SPTBN1: variants seen among roughly 807,000 people sequenced by gnomAD.
SPTBN1 encodes the protein spectrin beta, non-erythrocytic 1, also known as spectrin beta chain, non-erythrocytic 1.
A neutral mutation model predicts 266.4 loss-of-function variants in SPTBN1; 32 were observed. The ratio of observed to expected loss-of-function variants is 0.12; its 90% CI spans 0.09 to 0.16. SPTBN1 has a LOEUF of 0.16. Among genes scored for constraint, SPTBN1 ranks in the 10% least tolerant of loss-of-function variants. The pLI is 1.00. For missense variants in SPTBN1, 2,296 were observed against 3,067.1 expected, an observed-to-expected ratio of 0.75 and a Z score of 5.94; for synonymous variants, 1,336 against 1,162.2, an observed-to-expected ratio of 1.15 and a Z score of -3.04.
At position 54,612,187 on chromosome 2, in the gene SPTBN1, C is replaced by T; in HGVS notation, c.327C>T (p.Arg109=). ...CTAAACCCACCAAGGGACGAATGCG[C>T]ATCCACTGCTTAGAGAATGTGGACA... The part of the protein sequence containing the change: ...RLPKPTKGRM[R]IHCLENVDKA... The change falls in exon 4 of 36, where the codon CGC becomes CGT. Residue 109 remains arginine (R), a synonymous_variant. Coordinates refer to ENST00000356805, the MANE Select transcript of SPTBN1 (RefSeq NM_003128.3). 1.2e-6 allele frequency: 2 copies of T among 1,609,984 alleles called. No individual in the cohort carries two copies. Among genetic ancestry groups the T allele is most frequent in the Non-Finnish European group, 1.7e-6 (2 of 1,177,330 alleles).
intron 1 of SPTBN1, among the ~76,000 whole-genome samples, chr2:54,492,475 C>T (rs1392961034): frequency 6.6e-6 from 1 of 151,150 alleles, no homozygotes; most frequent in African/African-American, 2.4e-5. Context: ...AGGAGTTTTA[C>T]TTAACACCTT....
rs1046735339 is a variant in SPTBN1 at position 54,534,181 on chromosome 2, T to A, written c.148+7615T>A. Among the ~76,000 whole-genome samples the A allele has an allele frequency of 5.3e-5, 8 of 152,334 alleles. No individual in the cohort carries two copies. In the East Asian group the frequency reaches 1.5e-3, roughly 29 times the overall value. Reference sequence around the variant, plus strand: ...ACGCCTGGACTCATTGTCTAAATCATGTTAGGGCTCTTCTTGTTCGCACAC... The same window carrying A: ...ACGCCTGGACTCATTGTCTAAATCAAGTTAGGGCTCTTCTTGTTCGCACAC... On this transcript the variant is annotated intron_variant, in intron 2 of 35. Transcript: ENST00000356805.
intron 1 of SPTBN1, among the ~76,000 whole-genome samples, chr2:54,464,314 A>C (rs534445358): frequency 1.3e-4 from 20 of 152,360 alleles, no homozygotes; most frequent in African/African-American, 4.8e-4. Flanking sequence ...TTATGGCGCA[A>C]CTGTAGGGTG....
chr2:54,666,489 G>A (rs1001207838), intron 34 of SPTBN1, among the ~76,000 whole-genome samples: 11 of 152,280 alleles, frequency 7.2e-5, no homozygotes, highest in African/African-American at 2.2e-4. Context: ...TCTGGAGATG[G>A]GTCAAGTGAG....
chr2:54,599,377 G>C, intron 3 of SPTBN1, 134 bp downstream of exon 3: 1 of 1,069,014 alleles, frequency 9.4e-7, no homozygotes, highest in Non-Finnish European at 1.4e-6. Flanking sequence ...GAAGTGAGTT[G>C]AGCGCTTCAG....
intron 5 of SPTBN1, 60 bp from the exon 6 acceptor site, chr2:54,617,548 A>G: frequency 1.9e-6 from 3 of 1,553,298 alleles, no homozygotes; most frequent in East Asian, 2.3e-5. Flanking sequence ...GCACTTGGCA[A>G]AAGTATAAAC....
chr2:54,457,396 G>A (rs1693111540), intron 1 of SPTBN1: 1 of 152,610 alleles, frequency 6.6e-6, no homozygotes, highest in Non-Finnish European at 1.5e-5. Flanking sequence ...TGATAGGAAA[G>A]GTGCCAACTG....
In SPTBN1 at chr2:54,599,168, C is replaced by A. The variant is rs989704724; in HGVS notation, c.225C>A (p.Ile75=). The change falls in exon 3 of 36, where the codon ATC becomes ATA. Residue 75 remains isoleucine, a synonymous_variant. Coordinates refer to ENST00000356805, the MANE Select transcript of SPTBN1 (RefSeq NM_003128.3). ...ACCTTGCCCGTGTGTCCTGCCGGATCACAGACCTGTACACTGACCTTCGAG... is the reference window on the plus strand; with the variant it reads ...ACCTTGCCCGTGTGTCCTGCCGGATAACAGACCTGTACACTGACCTTCGAG... The part of the protein sequence containing the change: ...NSHLARVSCR[I]TDLYTDLRDG... The A allele has an allele frequency of 5.0e-6, 8 of 1,614,212 alleles. No homozygotes were observed. Among genetic ancestry groups the A allele is most frequent in the Non-Finnish European group, 5.9e-6 (7 of 1,180,046 alleles).
In SPTBN1 at chr2:54,467,418, A is replaced by G. The variant is rs116615338; in HGVS notation, c.-48+10900A>G. ...TTTGTTGTTGCTGTTGTTGGAGACA[A>G]AGTCTTGCTCTTATCCCCCAGGCTG... On this transcript the variant is annotated intron_variant, in intron 1 of 35. Transcript: ENST00000356805. Among the ~76,000 whole-genome samples the G allele has an allele frequency of 8.9e-3, 1,354 of 152,266 alleles. 11 individuals are homozygous for G. Among genetic ancestry groups the G allele is most frequent in the Non-Finnish European group, 0.016 (1,076 of 68,016 alleles).
At chr2:54,648,913 T>A (rs750329751) in intron 24 of SPTBN1, 73 bp from the exon 25 acceptor site, 3 of 1,368,064 alleles carry the variant, frequency 2.2e-6, no homozygotes, top group Non-Finnish European at 3.0e-6. Context: ...TATCTCCACC[T>A]CATTTGTTTT....
Position 54,548,001 on chromosome 2 carries a change from G to C in SPTBN1, c.148+21435G>C, listed in dbSNP as rs151217638. On this transcript the variant is annotated intron_variant, in intron 2 of 35. Transcript: ENST00000356805. ...TACTAAAAATACAAAAAATTAGCCA[G>C]GCGTGGTGGCGGGTGCCTATAGTTC... 7.4e-4 allele frequency among the ~76,000 whole-genome samples: 112 copies of C among 152,258 alleles called. 3 individuals carry two copies. In the East Asian group the frequency reaches 0.019, roughly 26 times the overall value.
In SPTBN1 at chr2:54,626,166, A is replaced by T. The variant is rs775360024; in HGVS notation, c.1576A>T (p.Met526Leu). The T allele has an allele frequency of 4.3e-6, 7 of 1,614,086 alleles. No homozygotes were observed. The Admixed American group carries it at 6.7e-5, about 15-fold the overall frequency. Reference sequence around the variant, plus strand: ...CAGGGCCCGGAGACAGCGGCTCGAGATGAACCTGGGGCTGCAGAAGATATT... The same window carrying T: ...CAGGGCCCGGAGACAGCGGCTCGAGTTGAACCTGGGGCTGCAGAAGATATT... ...LLRARRQRLE[M>L]NLGLQKIFQE... The change falls in exon 12 of 36, where the codon ATG becomes TTG. Residue 526 changes from methionine to leucine, a missense_variant. By Grantham distance (15) the Met-to-Leu change is conservative (BLOSUM62 2). Around this residue, in one of 12 missense-constraint regions of SPTBN1, gnomAD observed 434 missense variants for 573.9 expected, o/e 0.76. Transcript: ENST00000356805. The surrounding 1 kb of genome is among the most constrained non-coding windows in gnomAD (Gnocchi z 4.7).
chr2:54,529,756 G>A, intron 2 of SPTBN1: 1 of 639,284 alleles, frequency 1.6e-6, no homozygotes, highest in Non-Finnish European at 2.9e-6. Context: ...TGTTCCACTG[G>A]CTCCTGATTA....
Position 54,668,511 on chromosome 2 carries a change from A to T in SPTBN1, c.7037A>T (p.Glu2346Val). Reference protein sequence around the residue: ...ITSESSPGKREKDKEKDKEKR... With the variant: ...ITSESSPGKRVKDKEKDKEKR... ...AGCGAGTCCAGTCCCGGCAAGCGGG[A>T]AAAGGACAAAGAGAAAGACAAAGAG... The change falls in exon 36 of 36, where the codon GAA (glutamate) becomes GTA (valine). Residue 2346 changes from glutamate (E) to valine (V), a missense_variant. This residue lies in a region of SPTBN1 where 347 missense variants were observed against 368.5 expected (regional missense o/e 0.94). Transcript: ENST00000356805. The T allele has an allele frequency of 6.2e-7, 1 of 1,614,138 alleles. No individual in the cohort carries two copies. Among genetic ancestry groups the T allele is most frequent in the Non-Finnish European group, 8.5e-7 (1 of 1,179,996 alleles).
rs1333994812 is a variant in SPTBN1, at chr2:54,531,841, C to G, written c.148+5275C>G. The stretch of plus-strand genomic sequence containing the variant: ...GATGATCAGGAGGAAATACAGAGAA[C>G]TTGACCTGGAGCACCTGGCAGGATT... On this transcript the variant is annotated intron_variant, in intron 2 of 35. Transcript: ENST00000356805. Among the ~76,000 whole-genome samples the G allele has an allele frequency of 3.3e-5, 5 of 152,026 alleles. No homozygotes were observed. The East Asian group carries it at 9.6e-4, about 29-fold the overall frequency.
chr2:54,513,339 C>G lies in SPTBN1; in HGVS notation c.-47-13033C>G, dbSNP rs565487324. Among the ~76,000 whole-genome samples, 4 of 152,284 alleles carry G rather than the reference C, an allele frequency of 2.6e-5. No individual in the cohort carries two copies. In the East Asian group the frequency reaches 7.7e-4, roughly 29 times the overall value. On this transcript the variant is annotated intron_variant, in intron 1 of 35. Coordinates refer to ENST00000356805, the MANE Select transcript of SPTBN1 (RefSeq NM_003128.3). ...TTACATATTTGTTTCATTTCATTCCCTTCCAGGTAATTGAGATATGCATTT... is the reference window on the plus strand; with the variant it reads ...TTACATATTTGTTTCATTTCATTCCGTTCCAGGTAATTGAGATATGCATTT...
chr2:54,488,813 A>T (rs1367900979), intron 1 of SPTBN1, among the ~76,000 whole-genome samples: 3 of 152,344 alleles, frequency 2.0e-5, no homozygotes, highest in Non-Finnish European at 4.4e-5. Flanking sequence ...AATTATAATG[A>T]AGTTATTAAT....
At chr2:54,467,268 C>T (rs1043809065) in intron 1 of SPTBN1, among the ~76,000 whole-genome samples, 1 of 151,848 alleles carries the variant, frequency 6.6e-6, no homozygotes, top group Non-Finnish European at 1.5e-5. Context: ...GCTTTTTTCT[C>T]TTTATCTTAT....
At chr2:54,583,549 A>G (rs1236961760) in intron 2 of SPTBN1, among the ~76,000 whole-genome samples, 1 of 152,190 alleles carries the variant, frequency 6.6e-6, no homozygotes, top group Non-Finnish European at 1.5e-5. Context: ...CTCCCCTGGC[A>G]TCCTGTAGAC....
Sources: allele counts gnomAD v4.1 joint callset (sites outside exome capture counted in the v4.1 genomes callset), GRCh38; gene constraint gnomAD v4.1.1; regional missense constraint gnomAD v4.1.1; non-coding constraint Gnocchi (gnomAD v3.1); transcripts MANE v1.5; gene names NCBI Gene and HGNC (gene_info 2026-07-23, HGNC 2026-07-21).